The following SPEF2 variants were observed in gnomAD, a reference collection of about 807,000 sequenced individuals.
The protein encoded by SPEF2 is sperm flagella and cilia-associated protein 2.
A neutral mutation model predicts 224.6 loss-of-function variants in SPEF2; 187 were observed. The ratio of observed to expected loss-of-function variants is 0.83; its 90% CI spans 0.74 to 0.94. SPEF2 has a LOEUF of 0.94. SPEF2 is among the 40% of genes least tolerant of loss of function. The pLI is 0.00. For missense variants in SPEF2, 2,170 were observed against 2,135.6 expected, an observed-to-expected ratio of 1.02 and a Z score of -0.32; for synonymous variants, 715 against 707.3, an observed-to-expected ratio of 1.01 and a Z score of -0.17.
At chr5:35,749,864 A>G (rs887353273) in intron 23 of SPEF2, among the ~76,000 whole-genome samples, 1 of 152,190 alleles carries the variant, frequency 6.6e-6, no homozygotes, top group Non-Finnish European at 1.5e-5. Context: ...TCTAAAATTC[A>G]TATGGAACCG....
chr5:35,735,896 A>G (rs538165471), intron 21 of SPEF2, among the ~76,000 whole-genome samples: 1 of 152,220 alleles, frequency 6.6e-6, no homozygotes, highest in Non-Finnish European at 1.5e-5. Flanking sequence ...TTCATGCTAG[A>G]CAGTTTCCTA....
intron 26 of SPEF2, 47 bp downstream of exon 26, chr5:35,763,749 A>C: frequency 6.6e-7 from 1 of 1,522,408 alleles, no homozygotes; most frequent in Non-Finnish European, 8.8e-7. Flanking sequence ...ACATTCATTA[A>C]GTACCAAGGT....
intron 20 of SPEF2, among the ~76,000 whole-genome samples, chr5:35,713,661 G>A (rs138108366): frequency 0.026 from 3,912 of 148,864 alleles, 197 homozygotes; most frequent in African/African-American, 0.092. Context: ...CCTTGAATCC[G>A]GGAGACACGG....
In SPEF2 at chr5:35,769,997, G is replaced by A. The variant is rs1369260257; in HGVS notation, c.3802-1612G>A. Among the ~76,000 whole-genome samples, 171 of 137,736 alleles carry A rather than the reference G, an allele frequency of 1.2e-3. 1 individual carries two copies. The highest frequency in any genetic ancestry group is 4.9e-3 in the African/African-American group (160 of 32,492). 90.4% of individuals were successfully genotyped at this position (137,736 alleles called of 152,430 possible). ...TTGCTACTGCCTCCATAATGTGTGT[G>A]TGTGTGTGTGTGTGTGTGTGTGTGT... On this transcript the variant is annotated intron_variant, in intron 26 of 36. Transcript: ENST00000356031.
chr5:35,754,193 G>A (rs1750105834), intron 24 of SPEF2, among the ~76,000 whole-genome samples: 1 of 152,140 alleles, frequency 6.6e-6, no homozygotes, highest in Non-Finnish European at 1.5e-5. Context: ...TCCAATACTG[G>A]ACTAGAAAAA....
chr5:35,691,145 C>T lies in SPEF2; in HGVS notation c.1633C>T (p.Pro545Ser), dbSNP rs185000070. The part of the protein sequence containing the change: ...ILHRLAEKSL[P>S]PRAESTTPEL... The stretch of plus-strand genomic sequence containing the variant: ...TCACAGGCTAGCTGAAAAATCTCTT[C>T]CTCCTCGAGCGGAATCAACAACACC... The change falls in exon 11 of 37, where the codon CCT (proline) becomes TCT (serine). Residue 545 changes from proline (P) to serine (S), a missense_variant. Coordinates refer to ENST00000356031, the MANE Select transcript of SPEF2 (RefSeq NM_024867.4). The T allele has an allele frequency of 2.3e-3, 3,658 of 1,614,052 alleles. 7 individuals are homozygous for T. Among genetic ancestry groups the T allele is most frequent in the Non-Finnish European group, 2.6e-3 (3,112 of 1,179,964 alleles).
At chr5:35,709,776 G>A (rs1740731100) in intron 19 of SPEF2, 1 of 985,234 alleles carries the variant, frequency 1.0e-6, no homozygotes, top group South Asian at 4.7e-5. Flanking sequence ...CAAAAGTGAA[G>A]TGCTTAATTG....
intron 24 of SPEF2, among the ~76,000 whole-genome samples, chr5:35,756,097 A>C (rs73086255): frequency 0.04 from 6,103 of 152,218 alleles, 365 homozygotes; most frequent in African/African-American, 0.12. Context: ...ATAATTCATA[A>C]GTTTTAAATT....
intron 23 of SPEF2, among the ~76,000 whole-genome samples, chr5:35,741,547 G>A (rs1250234993): frequency 6.6e-6 from 1 of 152,168 alleles, no homozygotes; most frequent in Non-Finnish European, 1.5e-5. Context: ...AGGTTATTAT[G>A]AGAATATAGC....
At chr5:35,679,679 A>G (rs1561184620) in intron 10 of SPEF2, among the ~76,000 whole-genome samples, 1 of 152,200 alleles carries the variant, frequency 6.6e-6, no homozygotes, top group Non-Finnish European at 1.5e-5. Flanking sequence ...GTACGTACCC[A>G]TTGACATGGG....
intron 1 of SPEF2, among the ~76,000 whole-genome samples, chr5:35,620,622 A>T (rs1743368826): frequency 6.6e-6 from 1 of 152,228 alleles, no homozygotes; most frequent in African/African-American, 2.4e-5. Flanking sequence ...AAAATTGGAA[A>T]CAATCTGAGT....
intron 21 of SPEF2, among the ~76,000 whole-genome samples, chr5:35,733,669 G>A (rs1746043533): frequency 1.3e-5 from 2 of 152,128 alleles, no homozygotes; most frequent in African/African-American, 4.8e-5. Flanking sequence ...AATCTGTGCT[G>A]AAGTGTTTGG....
chr5:35,666,188 A>G (rs1050531559), intron 8 of SPEF2, among the ~76,000 whole-genome samples: 8 of 152,168 alleles, frequency 5.3e-5, no homozygotes, highest in Non-Finnish European at 1.0e-4. Context: ...GTTTACTTCC[A>G]TTTGATACTC....
At chr5:35,790,769 G>A (rs1755840822) in intron 30 of SPEF2, 1 of 154,830 alleles carries the variant, frequency 6.5e-6, no homozygotes, top group Admixed American at 6.5e-5. Context: ...GTTGCATTAG[G>A]TAATTAACTT....
chr5:35,660,370 G>A lies in SPEF2; in HGVS notation c.1167+1163G>A, dbSNP rs185475374. Among the ~76,000 whole-genome samples, 249 of 152,258 alleles carry A rather than the reference G, an allele frequency of 1.6e-3. 1 individual carries two copies. Among genetic ancestry groups the A allele is most frequent in the African/African-American group, 5.7e-3 (236 of 41,562 alleles). ...AGAAGAGAAACCTTATAGAAAACAGGAGGGCAGTGTTTTATTTACTAGCTT... is the reference window on the plus strand; with the variant it reads ...AGAAGAGAAACCTTATAGAAAACAGAAGGGCAGTGTTTTATTTACTAGCTT... On this transcript the variant is annotated intron_variant, in intron 8 of 36. Coordinates refer to ENST00000356031, the MANE Select transcript of SPEF2 (RefSeq NM_024867.4).
chr5:35,657,003 T>A (rs1198872815), intron 7 of SPEF2, among the ~76,000 whole-genome samples: 1 of 152,190 alleles, frequency 6.6e-6, no homozygotes, highest in Non-Finnish European at 1.5e-5. Context: ...GAATGGGAAA[T>A]TCTTATGTGT....
chr5:35,761,370 G>A (rs543174371), intron 25 of SPEF2, among the ~76,000 whole-genome samples: 14 of 152,240 alleles, frequency 9.2e-5, no homozygotes, highest in African/African-American at 2.9e-4. Flanking sequence ...ACCATATTGT[G>A]GTATCAGAAG....
intron 18 of SPEF2, 27 bp downstream of exon 18, chr5:35,705,835 G>T: frequency 1.5e-6 from 2 of 1,376,488 alleles, no homozygotes; most frequent in South Asian, 2.8e-5. Flanking sequence ...ATAGTTTTGA[G>T]TTTAGGCAAC....
At chr5:35,646,475 T>C in intron 4 of SPEF2, 192 bp from the exon 5 acceptor site, 1 of 459,538 alleles carries the variant, frequency 2.2e-6, no homozygotes, top group South Asian at 4.4e-5. Flanking sequence ...TGTTTTAATA[T>C]CATGCTTTTC....
Sources: allele counts gnomAD v4.1 joint callset (sites outside exome capture counted in the v4.1 genomes callset), GRCh38; gene constraint gnomAD v4.1.1; transcripts MANE v1.5; gene names NCBI Gene and HGNC (gene_info 2026-07-23, HGNC 2026-07-21).